The following HTR7 variants were observed in gnomAD, a reference collection of about 807,000 sequenced individuals.
HTR7 encodes the protein 5-HT-7.
HTR7 carries 16 observed loss-of-function variants against 34.0 expected under a neutral mutation model. The observed-to-expected ratio is 0.47, with a 90% CI of 0.32 to 0.71. HTR7 has a LOEUF of 0.71. Ranked by LOEUF, HTR7 falls within the 30% of genes least tolerant of loss-of-function variation. The probability of loss-of-function intolerance (pLI) is 0.04; values close to 1 mark genes in which losing one functional copy is unlikely to be tolerated. For synonymous variants in HTR7, 265 were observed against 260.2 expected (o/e 1.02, Z -0.18); for missense variants, 504 against 625.5 (o/e 0.81, Z 2.07).
intron 1 of HTR7, among the ~76,000 whole-genome samples, chr10:90,796,943 C>A (rs761463457): frequency 6.6e-6 from 1 of 150,542 alleles, no homozygotes; most frequent in Non-Finnish European, 1.5e-5. Flanking sequence ...ACCTGCAAGG[C>A]GGAGCTTGCA....
At chr10:90,849,389 T>G (rs1315387835) in intron 1 of HTR7, among the ~76,000 whole-genome samples, 1 of 151,998 alleles carries the variant, frequency 6.6e-6, no homozygotes, top group East Asian at 1.9e-4. Context: ...CTTTCCAACT[T>G]AGAATTAAAA....
At chr10:90,842,947 A>T (rs1161302525) in intron 1 of HTR7, among the ~76,000 whole-genome samples, 1 of 152,074 alleles carries the variant, frequency 6.6e-6, no homozygotes, top group African/African-American at 2.4e-5. Flanking sequence ...CTGCCTCTAC[A>T]CTGCTTCTGT....
At chr10:90,830,615 A>T (rs984272850) in intron 1 of HTR7, among the ~76,000 whole-genome samples, 1 of 151,950 alleles carries the variant, frequency 6.6e-6, no homozygotes, top group African/African-American at 2.4e-5. Flanking sequence ...ATGAAACCCC[A>T]TCTCTACAAA....
At chr10:90,765,712 T>C (rs1440911295) in intron 1 of HTR7, among the ~76,000 whole-genome samples, 1 of 152,184 alleles carries the variant, frequency 6.6e-6, no homozygotes, top group Non-Finnish European at 1.5e-5. Context: ...TTAGTTTTGG[T>C]ATGTTGTGTT....
chr10:90,857,574 G>T lies in HTR7; in HGVS notation c.98C>A (p.Pro33His). 1 of 1,595,588 alleles carries T rather than the reference G, an allele frequency of 6.3e-7. No homozygotes were observed. The highest frequency in any genetic ancestry group is 8.5e-7 in the Non-Finnish European group (1 of 1,172,722). ...EVGRGLPDLS[P>H]DGGADPVAGS... ...CGCGACCGGGTCGGCGCCACCGTCG[G>T]GGCTCAAGTCGGGCAGCCCGCGCCC... The change falls in exon 1 of 4, where the codon CCC (proline) becomes CAC (histidine). Residue 33 changes from proline (P) to histidine (H), a missense_variant. This residue lies in a region of HTR7 where 139 missense variants were observed against 117.1 expected (regional missense o/e 1.19). Coordinates refer to ENST00000336152, the MANE Select transcript of HTR7 (RefSeq NM_019859.4). This position sits in a 1 kb window ranked among gnomAD's most constrained non-coding sequence, Gnocchi z 6.5.
At chr10:90,813,585 T>G (rs939768871) in intron 1 of HTR7, among the ~76,000 whole-genome samples, 6 of 151,980 alleles carry the variant, frequency 3.9e-5, no homozygotes, top group African/African-American at 1.5e-4. Context: ...AGGTTTTCCT[T>G]TCAATGAAAA....
rs1418448096 is a variant in HTR7, at chr10:90,857,646, C to T, written c.26G>A (p.Arg9His). MMDVNSSG[R>H]PDLYGHLRSF... Reference sequence around the variant, plus strand: ...GCGGAGGTGCCCGTAGAGGTCCGGGCGGCCGCTGCTGTTAACGTCCATCAT... The same window carrying T: ...GCGGAGGTGCCCGTAGAGGTCCGGGTGGCCGCTGCTGTTAACGTCCATCAT... The change falls in exon 1 of 4, where the codon CGC (arginine) becomes CAC (histidine). Residue 9 changes from arginine to histidine, a missense_variant. By Grantham distance (29) the Arg-to-His change is conservative. Transcript: ENST00000336152. The surrounding 1 kb of genome is among the most constrained non-coding windows in gnomAD (Gnocchi z 6.5). 5 of 1,590,742 alleles carry T rather than the reference C, an allele frequency of 3.1e-6. No individual in the cohort carries two copies. The East Asian group carries it at 1.1e-4, about 37-fold the overall frequency.
At chr10:90,793,159 G>C (rs12269216) in intron 1 of HTR7, among the ~76,000 whole-genome samples, 1,882 of 152,110 alleles carry the variant, frequency 0.012, 34 homozygotes, top group African/African-American at 0.043. Flanking sequence ...TTATTCAATA[G>C]AATTAATATC....
intron 1 of HTR7, among the ~76,000 whole-genome samples, chr10:90,836,414 A>G (rs776331788): frequency 4.6e-5 from 7 of 152,190 alleles, no homozygotes; most frequent in Non-Finnish European, 8.8e-5. Flanking sequence ...AGTATCGAAC[A>G]ATATTACCAA....
At position 90,837,183 on chromosome 10, in the gene HTR7, G is replaced by C. The variant is rs555586333; in HGVS notation, c.539+19950C>G. ...TAGAAGATTAATCAGACGTGGTCTT[G>C]AGCCTAAAGTGTTTCTACTCTAGTA... is the stretch of plus-strand genomic sequence containing the variant. On this transcript the variant is annotated intron_variant, in intron 1 of 3. Coordinates refer to ENST00000336152, the MANE Select transcript of HTR7 (RefSeq NM_019859.4). Among the ~76,000 whole-genome samples the C allele has an allele frequency of 6.6e-5, 10 of 152,280 alleles. No individual in the cohort carries two copies. The South Asian group carries it at 1.9e-3, about 28-fold the overall frequency.
At chr10:90,805,336 T>C (rs1393583558) in intron 1 of HTR7, among the ~76,000 whole-genome samples, 1 of 152,190 alleles carries the variant, frequency 6.6e-6, no homozygotes, top group Admixed American at 6.5e-5. Flanking sequence ...ACAAGCTAAG[T>C]TGAAAAAGAA....
At chr10:90,782,449 G>GGATGAT (rs887982619) in intron 1 of HTR7, among the ~76,000 whole-genome samples, 1 of 151,778 alleles carries the variant, frequency 6.6e-6, no homozygotes, top group South Asian at 2.1e-4. Context: ...GTATAAATGG[G>GGATGAT]GATGATGATG....
At chr10:90,803,643 T>C (rs7075333) in intron 1 of HTR7, among the ~76,000 whole-genome samples, 41,952 of 152,080 alleles carry the variant, frequency 0.28, 6,326 homozygotes, top group African/African-American at 0.4. Context: ...AGTTAACAAC[T>C]GCCTGACCAT....
chr10:90,830,853 T>C (rs1462048901), intron 1 of HTR7, among the ~76,000 whole-genome samples: 3 of 144,906 alleles, frequency 2.1e-5, no homozygotes, highest in Admixed American at 6.8e-5. Flanking sequence ...CACAAAAAAG[T>C]TAAAAATAAA....
chr10:90,769,954 G>A (rs1024486819), intron 1 of HTR7, among the ~76,000 whole-genome samples: 2 of 152,264 alleles, frequency 1.3e-5, no homozygotes, highest in African/African-American at 2.4e-5. Flanking sequence ...CAGCAAGGAG[G>A]TGCGAGTGGT....
At chr10:90,757,988 T>C (rs1165026386) in intron 1 of HTR7, among the ~76,000 whole-genome samples, 2 of 152,000 alleles carry the variant, frequency 1.3e-5, no homozygotes, top group African/African-American at 2.4e-5. Context: ...AGAAAATAAA[T>C]TGAGGCCAGA....
At chr10:90,848,075 T>C (rs1846437873) in intron 1 of HTR7, among the ~76,000 whole-genome samples, 1 of 148,924 alleles carries the variant, frequency 6.7e-6, no homozygotes, top group Non-Finnish European at 1.5e-5. Context: ...TGTTCTTTTT[T>C]TTTTTTTTTT....
At chr10:90,745,101 C>T (rs1844613384) in intron 2 of HTR7, among the ~76,000 whole-genome samples, 1 of 152,172 alleles carries the variant, frequency 6.6e-6, no homozygotes, top group Non-Finnish European at 1.5e-5. Context: ...TTCCTGTCTC[C>T]ACCTTTCCTT....
At chr10:90,797,683 C>T (rs1845561629) in intron 1 of HTR7, among the ~76,000 whole-genome samples, 2 of 152,164 alleles carry the variant, frequency 1.3e-5, no homozygotes. Context: ...TGTTCAATGG[C>T]TCTGAGTCTC....
Sources: allele counts gnomAD v4.1 joint callset (sites outside exome capture counted in the v4.1 genomes callset), GRCh38; gene constraint gnomAD v4.1.1; regional missense constraint gnomAD v4.1.1; non-coding constraint Gnocchi (gnomAD v3.1); transcripts MANE v1.5; gene names NCBI Gene and HGNC (gene_info 2026-07-23, HGNC 2026-07-21).